FKBP5: variants seen among roughly 807,000 people sequenced by gnomAD.
The protein encoded by FKBP5 is peptidyl-prolyl cis-trans isomerase FKBP5.
A neutral mutation model predicts 50.5 loss-of-function variants in FKBP5; 23 were observed. That is an observed-to-expected ratio of 0.46 (90% CI 0.33 to 0.65). FKBP5 has a LOEUF of 0.65. Among genes scored for constraint, FKBP5 ranks in the 30% least tolerant of loss-of-function variants. The probability of loss-of-function intolerance (pLI) is 0.02; values close to 1 mark genes in which losing one functional copy is unlikely to be tolerated. For synonymous variants in FKBP5, 176 were observed against 190.6 expected, an observed-to-expected ratio of 0.92 and a Z score of 0.63; for missense variants, 411 against 553.1, an observed-to-expected ratio of 0.74 and a Z score of 2.58.
At chr6:35,664,892 T>G (rs1765172065) in intron 1 of FKBP5, 1 of 152,400 alleles carries the variant, frequency 6.6e-6, no homozygotes, top group Admixed American at 6.5e-5. Flanking sequence ...TTTTCAAAAT[T>G]GGTCCCTTCT....
intron 5 of FKBP5, among the ~76,000 whole-genome samples, chr6:35,599,047 A>G (rs927491417): frequency 5.3e-5 from 8 of 152,152 alleles, no homozygotes; most frequent in Non-Finnish European, 7.4e-5. Context: ...CTGTAACATA[A>G]TAGCCTATAT....
chr6:35,640,412 A>C (rs1764451131), intron 2 of FKBP5, among the ~76,000 whole-genome samples: 1 of 152,232 alleles, frequency 6.6e-6, no homozygotes, highest in Non-Finnish European at 1.5e-5. Context: ...TGGTACACCT[A>C]TACAGAACAC....
At chr6:35,608,828 CAG>C (rs1246746288) in intron 5 of FKBP5, among the ~76,000 whole-genome samples, 2 of 152,166 alleles carry the variant, frequency 1.3e-5, no homozygotes, top group Non-Finnish European at 2.9e-5. Flanking sequence ...TATTTTGACA[CAG>C]AGTCTCCCTC....
chr6:35,703,962 T>C (rs1766235918), intron 2 of FKBP5, among the ~76,000 whole-genome samples: 1 of 152,186 alleles, frequency 6.6e-6, no homozygotes, highest in Admixed American at 6.5e-5. Flanking sequence ...TTCTCTGCAA[T>C]GTGATTGTAG....
intron 7 of FKBP5, among the ~76,000 whole-genome samples, chr6:35,589,137 T>TATATATATATATATATATATA (rs1762734551): frequency 6.9e-6 from 1 of 143,928 alleles, no homozygotes; most frequent in Non-Finnish European, 1.5e-5. Flanking sequence ...TATTTTTTTT[T>TATATATATATATATATATATA]TTTTCCTCTG....
At chr6:35,612,374 C>A (rs1277733598) in intron 5 of FKBP5, among the ~76,000 whole-genome samples, 1 of 152,060 alleles carries the variant, frequency 6.6e-6, no homozygotes, top group Non-Finnish European at 1.5e-5. Context: ...TGGCCCACTG[C>A]ACTCCAGCTT....
At chr6:35,619,890 A>G (rs1441869385) in intron 4 of FKBP5, among the ~76,000 whole-genome samples, 1 of 152,106 alleles carries the variant, frequency 6.6e-6, no homozygotes, top group African/African-American at 2.4e-5. Context: ...TTTATTTCTA[A>G]GTGTAGCGTC....
chr6:35,703,506 T>C (rs1301447368), intron 2 of FKBP5, among the ~76,000 whole-genome samples: 2 of 152,206 alleles, frequency 1.3e-5, no homozygotes, highest in African/African-American at 4.8e-5. Context: ...ATACATTCCA[T>C]GCATGTAACA....
chr6:35,591,207 C>G lies in FKBP5; in HGVS notation c.679G>C (p.Glu227Gln). 1 of 1,610,400 alleles carries G rather than the reference C, an allele frequency of 6.2e-7. No individual in the cohort carries two copies. The highest frequency in any genetic ancestry group is 8.5e-7 in the Non-Finnish European group (1 of 1,177,520). Residue 227 changes from glutamate (E) to glutamine (Q), a missense_variant, in exon 7 of 11, where the codon GAG (glutamate) becomes CAG (glutamine). Physicochemically the swap from Glu to Gln is conservative, Grantham distance 29. Around this residue, in one of 3 missense-constraint regions of FKBP5, gnomAD observed 267 missense variants for 405.9 expected, o/e 0.66. Transcript: ENST00000357266. ...LYLGPRYGFG[E>Q]AGKPKFGIEP... ...ATGCCAAATTTAGGCTTCCCTGCCT[C>G]TCCAAAACCATATCTGAAATGGAGA... is the stretch of plus-strand genomic sequence containing the variant.
intron 8 of FKBP5, chr6:35,584,936 C>G: frequency 1.0e-6 from 1 of 985,456 alleles, no homozygotes; most frequent in Non-Finnish European, 1.2e-6. Flanking sequence ...TGTACAGACA[C>G]TCATTGCTTT....
intron 1 of FKBP5, among the ~76,000 whole-genome samples, chr6:35,650,162 A>T (rs1764756337): frequency 6.6e-6 from 1 of 152,260 alleles, no homozygotes; most frequent in South Asian, 2.1e-4. Flanking sequence ...AGCTTGGGCA[A>T]CACAGTGAGA....
rs781180464 is a variant in FKBP5 at position 35,642,732 on chromosome 6, CCT to C, written c.91_92del (p.Arg31GlyfsTer13). Reference sequence around the variant, plus strand: ...TTTGTGGCCTCACCTTTAATACTCCCCTGTCTTTTTTGGAGGTAATATCCTCT... The same window carrying C: ...TTTGTGGCCTCACCTTTAATACTCCCGTCTTTTTTGGAGGTAATATCCTCT... ...QGEDITSKKD[R>X]GVLKIVKRVG... is the part of the protein sequence containing the mutation. On this transcript the variant is annotated frameshift_variant, in exon 2 of 11. Transcript: ENST00000357266. LOFTEE classifies it high-confidence loss of function. 9.3e-6 allele frequency: 15 copies of C among 1,613,692 alleles called. No individual in the cohort carries two copies. The highest frequency in any genetic ancestry group is 2.7e-5 in the African/African-American group (2 of 75,016).
chr6:35,641,670 A>G (rs1312421710), intron 2 of FKBP5, among the ~76,000 whole-genome samples: 3 of 152,210 alleles, frequency 2.0e-5, no homozygotes, highest in African/African-American at 7.2e-5. Flanking sequence ...ATCGCAAAAG[A>G]TATCTTCACT....
chr6:35,667,214 A>G (rs1765258881), intron 1 of FKBP5, among the ~76,000 whole-genome samples: 2 of 152,200 alleles, frequency 1.3e-5, no homozygotes, highest in African/African-American at 4.8e-5. Flanking sequence ...GCTTAATGAG[A>G]AACTCATCCA....
intron 3 of FKBP5, among the ~76,000 whole-genome samples, chr6:35,635,866 A>G (rs1315350243): frequency 6.6e-6 from 1 of 152,200 alleles, no homozygotes; most frequent in African/African-American, 2.4e-5. Context: ...ACCCACAAAG[A>G]TAGATAGTTG....
chr6:35,647,470 G>C (rs1764661826), intron 1 of FKBP5, among the ~76,000 whole-genome samples: 2 of 152,228 alleles, frequency 1.3e-5, no homozygotes, highest in Admixed American at 6.5e-5. Context: ...AACTGAACCA[G>C]AACTTTGGGG....
chr6:35,584,908 G>A (rs1762555092), intron 8 of FKBP5: 2 of 985,316 alleles, frequency 2.0e-6, no homozygotes, highest in South Asian at 4.7e-5. Context: ...ATGCTGATAA[G>A]CAACAAAGTT....
intron 3 of FKBP5, among the ~76,000 whole-genome samples, chr6:35,625,536 A>C (rs1763968862): frequency 6.6e-6 from 1 of 151,034 alleles, no homozygotes; most frequent in Non-Finnish European, 1.5e-5. Flanking sequence ...GAGGATTGAG[A>C]CCATCCTGGC....
chr6:35,628,069 G>A (rs1033660211), intron 3 of FKBP5, among the ~76,000 whole-genome samples: 5 of 151,562 alleles, frequency 3.3e-5, no homozygotes, highest in Non-Finnish European at 7.4e-5. Context: ...CACTGTGCCC[G>A]GCCTTCCTCC....
Sources: gnomAD v4.1 joint callset for allele counts (sites outside exome capture counted in the v4.1 genomes callset) on GRCh38, gnomAD v4.1.1 for gene constraint, gnomAD v4.1.1 regional missense constraint, MANE v1.5 for transcripts, NCBI Gene and HGNC (gene_info 2026-07-23, HGNC 2026-07-21) for gene names.